XPR1: variants seen among roughly 807,000 people sequenced by gnomAD.
The protein encoded by XPR1 is xenotropic and polytropic retrovirus receptor 1.
XPR1 carries 28 observed loss-of-function variants against 87.5 expected under a neutral mutation model. The ratio of observed to expected loss-of-function variants is 0.32; its 90% confidence interval spans 0.24 to 0.44. The LOEUF (loss-of-function observed/expected upper bound fraction) is 0.44, where lower values mean the gene tolerates loss of function less well. Among genes scored for constraint, XPR1 ranks in the 20% least tolerant of loss-of-function variants. XPR1 has a pLI of 1.00. For missense variants in XPR1, 559 were observed against 862.3 expected, an observed-to-expected ratio of 0.65 and a Z score of 4.41; for synonymous variants, 300 against 306.1, an observed-to-expected ratio of 0.98 and a Z score of 0.21.
At chr1:180,846,960 G>A (rs1651706590) in intron 11 of XPR1, among the ~76,000 whole-genome samples, 1 of 151,444 alleles carries the variant, frequency 6.6e-6, no homozygotes, top group Non-Finnish European at 1.5e-5. Context: ...TTCCTCTCCT[G>A]TGGGCTCCTC....
At chr1:180,690,359 C>G (rs1225001063) in intron 2 of XPR1, among the ~76,000 whole-genome samples, 1 of 152,082 alleles carries the variant, frequency 6.6e-6, no homozygotes, top group Non-Finnish European at 1.5e-5. Flanking sequence ...CTTGGACTCT[C>G]ATGGAGAGTC....
chr1:180,789,290 T>C (rs1377434073), intron 3 of XPR1, among the ~76,000 whole-genome samples: 1 of 152,240 alleles, frequency 6.6e-6, no homozygotes, highest in East Asian at 1.9e-4. Context: ...TCTATCTTAA[T>C]TTTTCATATC....
chr1:180,863,613 C>A, intron 11 of XPR1, 95 bp from the exon 12 acceptor site: 1 of 1,095,466 alleles, frequency 9.1e-7, no homozygotes, highest in Non-Finnish European at 1.3e-6. Flanking sequence ...TCTTATGGAG[C>A]TATTTTAAGA....
At chr1:180,806,600 A>G (rs559318478) in intron 6 of XPR1, 43 bp downstream of exon 6, 2 of 1,570,034 alleles carry the variant, frequency 1.3e-6, no homozygotes, top group African/African-American at 1.3e-5. Context: ...TCACCTATTT[A>G]ATAATCAACA....
chr1:180,633,736 A>G (rs1654673169), intron 1 of XPR1, among the ~76,000 whole-genome samples: 1 of 152,216 alleles, frequency 6.6e-6, no homozygotes, highest in African/African-American at 2.4e-5. Flanking sequence ...GAGTTGATTT[A>G]TTGTTTCTAA....
At chr1:180,751,112 G>A (rs887985445) in intron 2 of XPR1, among the ~76,000 whole-genome samples, 14 of 151,978 alleles carry the variant, frequency 9.2e-5, no homozygotes, top group Admixed American at 7.9e-4. Context: ...TCTTTAACCT[G>A]AAACCTAGTT....
intron 1 of XPR1, among the ~76,000 whole-genome samples, chr1:180,650,467 T>C (rs1176323788): frequency 6.6e-6 from 1 of 152,222 alleles, no homozygotes; most frequent in Non-Finnish European, 1.5e-5. Context: ...TAGCTAAATT[T>C]CTCAAATGAA....
At chr1:180,776,861 G>T (rs1176267704) in intron 2 of XPR1, among the ~76,000 whole-genome samples, 2 of 152,060 alleles carry the variant, frequency 1.3e-5, no homozygotes, top group Non-Finnish European at 2.9e-5. Flanking sequence ...TAAGTGAAAA[G>T]ACTTTTTTGT....
At chr1:180,832,383 CTTTAA>C (rs796716952) in intron 9 of XPR1, among the ~76,000 whole-genome samples, 67 of 152,262 alleles carry the variant, frequency 4.4e-4, no homozygotes, top group African/African-American at 1.3e-3. Flanking sequence ...TGCAGAAGCT[CTTTAA>C]TTTAATTAGA....
At chr1:180,856,595 C>A (rs1652041505) in intron 11 of XPR1, among the ~76,000 whole-genome samples, 1 of 152,156 alleles carries the variant, frequency 6.6e-6, no homozygotes, top group South Asian at 2.1e-4. Context: ...TGCTTCAAGC[C>A]CCATGTTCTC....
At position 180,714,197 on chromosome 1, in the gene XPR1, C is replaced by CA. The variant is rs1347142254; in HGVS notation, c.121+31787dup. 2.6e-5 allele frequency among the ~76,000 whole-genome samples: 4 copies of CA among 152,292 alleles called. No homozygotes were observed. In the East Asian group the frequency reaches 7.7e-4, roughly 29 times the overall value. On this transcript the variant is annotated intron_variant, in intron 2 of 14. Coordinates refer to ENST00000367590, the MANE Select transcript of XPR1 (RefSeq NM_004736.4). ...TAGAAGCTATAGCCTTGTCAACTCTCACATTCCTGATATTGGCCATTTGTG... is the reference window on the plus strand; with the variant it reads ...TAGAAGCTATAGCCTTGTCAACTCTCAACATTCCTGATATTGGCCATTTGTG...
At chr1:180,866,656 G>A (rs993450106) in intron 12 of XPR1, among the ~76,000 whole-genome samples, 16 of 152,130 alleles carry the variant, frequency 1.1e-4, no homozygotes, top group African/African-American at 2.7e-4. Context: ...ACTATATTGC[G>A]AGGAAGGAGA....
chr1:180,859,861 A>G (rs1057215262), intron 11 of XPR1, among the ~76,000 whole-genome samples: 10 of 152,196 alleles, frequency 6.6e-5, no homozygotes, highest in African/African-American at 2.4e-4. Flanking sequence ...GTCTTAATCA[A>G]AATTTTAAAG....
intron 13 of XPR1, 73 bp from the exon 14 acceptor site, chr1:180,880,003 C>T: frequency 6.7e-7 from 1 of 1,501,736 alleles, no homozygotes. Context: ...AAACTTGATA[C>T]ACTGGGAGGT....
rs1571880709 is a variant in XPR1 at position 180,834,521 on chromosome 1, T to G, written c.1135-353T>G. Reference sequence around the variant, plus strand: ...CAGTATGAATATGGAAAGATTTGTTTACATAAACGTGTATATTTTTAGATG... The same window carrying G: ...CAGTATGAATATGGAAAGATTTGTTGACATAAACGTGTATATTTTTAGATG... On this transcript the variant is annotated intron_variant, in intron 9 of 14. Transcript: ENST00000367590. 2.0e-5 allele frequency among the ~76,000 whole-genome samples: 3 copies of G among 152,260 alleles called. No homozygotes were observed. In the East Asian group the frequency reaches 5.8e-4, roughly 29 times the overall value.
intron 11 of XPR1, 107 bp from the exon 12 acceptor site, chr1:180,863,601 T>A: frequency 1.0e-6 from 1 of 999,826 alleles, no homozygotes; most frequent in African/African-American, 1.6e-5. Context: ...AAAGCTTTGC[T>A]TTCTTATGGA....
Position 180,886,623 on chromosome 1 carries a change from T to C in XPR1, c.*2557T>C, listed in dbSNP as rs1653019603. ...AATAAGGCTTATGTAACTTTCAGCT[T>C]GCTATGTGACAGAAGTTTAAATGTG... On this transcript the variant is annotated 3_prime_UTR_variant, in exon 15 of 15. Transcript: ENST00000367590. 6.6e-6 allele frequency: 1 copy of C among 152,224 alleles called. No homozygotes were observed. Among genetic ancestry groups the C allele is most frequent in the Non-Finnish European group, 1.5e-5 (1 of 68,040 alleles). 9.4% of individuals were successfully genotyped at this position (152,224 alleles called of 1,614,324 possible).
chr1:180,692,879 T>C lies in XPR1; in HGVS notation c.121+10468T>C, dbSNP rs545498268. Among the ~76,000 whole-genome samples the C allele has an allele frequency of 2.0e-5, 3 of 152,320 alleles. No individual in the cohort carries two copies. The South Asian group carries it at 6.2e-4, about 32-fold the overall frequency. ...AGCTGGAAGCAATGAAGAAATGTTATAAACACGGGTTTATAATCCTTTCTT... is the reference window on the plus strand; with the variant it reads ...AGCTGGAAGCAATGAAGAAATGTTACAAACACGGGTTTATAATCCTTTCTT... On this transcript the variant is annotated intron_variant, in intron 2 of 14. Transcript: ENST00000367590.
chr1:180,638,381 A>C (rs1378907503), intron 1 of XPR1, among the ~76,000 whole-genome samples: 3 of 152,188 alleles, frequency 2.0e-5, no homozygotes, highest in Non-Finnish European at 4.4e-5. Flanking sequence ...CCCAACTTGT[A>C]CAGATTAACC....
Sources: gnomAD v4.1 joint callset for allele counts (sites outside exome capture counted in the v4.1 genomes callset) on GRCh38, gnomAD v4.1.1 for gene constraint, MANE v1.5 for transcripts, NCBI Gene and HGNC (gene_info 2026-07-23, HGNC 2026-07-21) for gene names.